The following LOXHD1 variants were observed in gnomAD, a reference collection of about 807,000 sequenced individuals.
The protein encoded by LOXHD1 is lipoxygenase homology domain-containing protein 1.
In LOXHD1, 205 loss-of-function variants were observed where a neutral mutation model predicts 248.2. That is an observed-to-expected ratio of 0.83 (90% confidence interval 0.74 to 0.93). LOXHD1 has a LOEUF of 0.93. LOXHD1 is among the 40% of genes least tolerant of loss of function. The probability of loss-of-function intolerance (pLI) is 0.00; values close to 1 mark genes in which losing one functional copy is unlikely to be tolerated. For synonymous variants in LOXHD1, 1,113 were observed against 1,162.8 expected (o/e 0.96, Z 0.87); for missense variants, 2,930 against 2,971.6 (o/e 0.99, Z 0.33).
At chr18:46,500,198 C>T (rs1296532407) in intron 37 of LOXHD1, among the ~76,000 whole-genome samples, 2 of 152,198 alleles carry the variant, frequency 1.3e-5, no homozygotes, top group Non-Finnish European at 2.9e-5. Context: ...TGCACTTTCT[C>T]CATAGACTCT....
chr18:46,534,014 TTGTC>T (rs1480292134), intron 27 of LOXHD1, among the ~76,000 whole-genome samples: 1 of 152,188 alleles, frequency 6.6e-6, no homozygotes, highest in African/African-American at 2.4e-5. Context: ...GTTTTTAAAG[TTGTC>T]TGGGGTGGAT....
intron 26 of LOXHD1, among the ~76,000 whole-genome samples, chr18:46,534,878 A>G (rs2144286027): frequency 6.6e-6 from 1 of 152,300 alleles, no homozygotes; most frequent in East Asian, 1.9e-4. Flanking sequence ...CCCACCTTCC[A>G]GCCACTCCTT....
chr18:46,590,923 CAT>C (rs979802482), intron 12 of LOXHD1, among the ~76,000 whole-genome samples: 9 of 152,260 alleles, frequency 5.9e-5, no homozygotes, highest in African/African-American at 2.2e-4. Context: ...ATAAAAGAAA[CAT>C]GATGCTAATT....
intron 22 of LOXHD1, among the ~76,000 whole-genome samples, chr18:46,546,091 T>G (rs1598967946): frequency 1.3e-5 from 2 of 151,970 alleles, no homozygotes; most frequent in Non-Finnish European, 2.9e-5. Context: ...ACTTTGAGGG[T>G]CAGAGGCTCA....
At chr18:46,641,005 G>T (rs2038956106) in intron 3 of LOXHD1, among the ~76,000 whole-genome samples, 2 of 152,140 alleles carry the variant, frequency 1.3e-5, no homozygotes, top group African/African-American at 2.4e-5. Flanking sequence ...AAGGATGTAT[G>T]CCTCTGTCTG....
At chr18:46,608,499 T>C (rs993048514) in intron 6 of LOXHD1, among the ~76,000 whole-genome samples, 2 of 152,222 alleles carry the variant, frequency 1.3e-5, no homozygotes, top group Non-Finnish European at 2.9e-5. Flanking sequence ...TACTCTGCTG[T>C]CTTTCTTTTC....
intron 14 of LOXHD1, among the ~76,000 whole-genome samples, chr18:46,573,177 C>T (rs192068098): frequency 1.7e-4 from 26 of 152,178 alleles, no homozygotes; most frequent in Admixed American, 6.5e-4. Flanking sequence ...ATGAGAATTG[C>T]CTTCCAGGAG....
In LOXHD1 at chr18:46,649,279, G is replaced by A. The variant is rs868860449; in HGVS notation, c.131-10C>T. 8.4e-6 allele frequency: 13 copies of A among 1,546,542 alleles called. No homozygotes were observed. The East Asian group carries it at 2.4e-4, about 29-fold the overall frequency. On this transcript the variant is annotated splice_polypyrimidine_tract_variant and intron_variant, in intron 1 of 40. Coordinates refer to ENST00000642948, the MANE Select transcript of LOXHD1 (RefSeq NM_001384474.1). ...GTGACCACTTCATACACTGGAGGAG[G>A]AGAGGAGGAGACAGATTGCAGGCTC... is the stretch of plus-strand genomic sequence containing the variant.
rs1257769859 is a variant in LOXHD1, at chr18:46,546,930, T to C, written c.3479A>G (p.Asn1160Ser). 1 of 1,551,484 alleles carries C rather than the reference T, an allele frequency of 6.4e-7. No individual in the cohort carries two copies. The highest frequency in any genetic ancestry group is 1.2e-5 in the South Asian group (1 of 84,042). The part of the protein sequence containing the change: ...QSEEGRGGGD[N>S]NPLDNLALEQ... ...CAGGGCCAGGTTGTCGAGGGGGTTGTTGTCACCGCCTCCCCTACCCTCCTC... is the reference window on the plus strand; with the variant it reads ...CAGGGCCAGGTTGTCGAGGGGGTTGCTGTCACCGCCTCCCCTACCCTCCTC... Residue 1160 changes from asparagine to serine, a missense_variant, in exon 22 of 41, where the codon AAC (asparagine) becomes AGC (serine). Physicochemically the swap from Asn to Ser is conservative, Grantham distance 46. Coordinates refer to ENST00000642948, the MANE Select transcript of LOXHD1 (RefSeq NM_001384474.1).
At chr18:46,607,470 C>CAT (rs534657371) in intron 6 of LOXHD1, among the ~76,000 whole-genome samples, 89 of 149,366 alleles carry the variant, frequency 6.0e-4, no homozygotes, top group African/African-American at 2.0e-3. Flanking sequence ...TAATATGATA[C>CAT]ATATATATAG....
chr18:46,526,448 A>G (rs2035834187), intron 29 of LOXHD1, among the ~76,000 whole-genome samples: 2 of 152,244 alleles, frequency 1.3e-5, no homozygotes, highest in Non-Finnish European at 2.9e-5. Flanking sequence ...CCTTTTATGT[A>G]TAACAGTAAT....
intron 12 of LOXHD1, among the ~76,000 whole-genome samples, chr18:46,588,353 C>T (rs2038101234): frequency 6.6e-6 from 1 of 152,168 alleles, no homozygotes; most frequent in African/African-American, 2.4e-5. Flanking sequence ...TCAATCCATA[C>T]TATCCATATC....
rs137948645 is a variant in LOXHD1, at chr18:46,561,137, C to G, written c.2599-592G>C. The stretch of plus-strand genomic sequence containing the variant: ...ACAGAGGCCCAAGCTCCCTCCTCCC[C>G]CAACCCTGAGCACATGGCCTCAGCC... On this transcript the variant is annotated intron_variant, in intron 18 of 40. Transcript: ENST00000642948. 3.5e-4 allele frequency among the ~76,000 whole-genome samples: 54 copies of G among 152,328 alleles called. No individual in the cohort carries two copies. In the Middle Eastern group the frequency reaches 0.01, roughly 29 times the overall value.
chr18:46,608,227 C>T (rs2038451818), intron 6 of LOXHD1, among the ~76,000 whole-genome samples: 1 of 152,092 alleles, frequency 6.6e-6, no homozygotes, highest in South Asian at 2.1e-4. Context: ...TCTACTTGGC[C>T]TCAATATCAA....
At chr18:46,617,372 A>G (rs79942836) in intron 5 of LOXHD1, among the ~76,000 whole-genome samples, 4,686 of 152,210 alleles carry the variant, frequency 0.031, 235 homozygotes, top group African/African-American at 0.095. Flanking sequence ...CTTGACTCAT[A>G]CAGGGCCAAG....
At chr18:46,545,469 A>C in intron 22 of LOXHD1, 48 bp from the exon 23 acceptor site, 1 of 1,426,210 alleles carries the variant, frequency 7.0e-7, no homozygotes, top group Non-Finnish European at 9.7e-7. Context: ...TGTTCCTTTC[A>C]TGAAAGGAGG....
At chr18:46,525,400 A>G (rs187411399) in intron 29 of LOXHD1, among the ~76,000 whole-genome samples, 40 of 152,202 alleles carry the variant, frequency 2.6e-4, no homozygotes, top group Admixed American at 2.5e-3. Context: ...AGAGATGCTG[A>G]GAGGGAGTTA....
At position 46,639,664 on chromosome 18, in the gene LOXHD1, A is replaced by G; in HGVS notation, c.463T>C (p.Trp155Arg). The stretch of plus-strand genomic sequence containing the variant: ...AAGCTGGCCAGCAGGTCACGGCACC[A>G]CTGGCGGTCACCTTCCACCTTGCTC... Reference protein sequence around the residue: ...WLSKVEGDRQWCRDLLASFNP... With the variant: ...WLSKVEGDRQRCRDLLASFNP... The change falls in exon 4 of 41, where the codon TGG becomes CGG. Residue 155 changes from tryptophan to arginine, a missense_variant. Physicochemically the swap from Trp to Arg is moderately radical, Grantham distance 101. Transcript: ENST00000642948. 1.3e-6 allele frequency: 2 copies of G among 1,551,760 alleles called. No individual in the cohort carries two copies. Among genetic ancestry groups the G allele is most frequent in the South Asian group, 1.2e-5 (1 of 84,068 alleles).
At chr18:46,626,949 T>C (rs1027044148) in intron 4 of LOXHD1, among the ~76,000 whole-genome samples, 1 of 152,256 alleles carries the variant, frequency 6.6e-6, no homozygotes, top group Non-Finnish European at 1.5e-5. Context: ...TTGAGAATGA[T>C]GACAGCCATT....
Sources: gnomAD v4.1 joint callset for allele counts (sites outside exome capture counted in the v4.1 genomes callset) on GRCh38, gnomAD v4.1.1 for gene constraint, MANE v1.5 for transcripts, NCBI Gene and HGNC (gene_info 2026-07-23, HGNC 2026-07-21) for gene names.